RBPJ: variants seen among roughly 807,000 people sequenced by gnomAD.
The protein encoded by RBPJ is recombination signal binding protein for immunoglobulin kappa J region.
A neutral mutation model predicts 67.8 loss-of-function variants in RBPJ; 9 were observed. The observed-to-expected ratio is 0.13, with a 90% CI of 0.08 to 0.23. RBPJ has a LOEUF of 0.23. RBPJ is among the 10% of genes least tolerant of loss of function. The pLI, the probability that RBPJ is intolerant of heterozygous loss-of-function variation, is 1.00. For synonymous variants in RBPJ, 198 were observed against 203.3 expected, an observed-to-expected ratio of 0.97 and a Z score of 0.22; for missense variants, 305 against 595.6, an observed-to-expected ratio of 0.51 and a Z score of 5.08.
chr4:26,222,633 A>AATATATATAT lies in RBPJ; in HGVS notation c.-167+59035_-167+59044dup, dbSNP rs10673072. Among the ~76,000 whole-genome samples the AATATATATAT allele has an allele frequency of 1.2e-3, 167 of 135,920 alleles. 1 individual carries two copies. Among genetic ancestry groups the AATATATATAT allele is most frequent in the East Asian group, 0.01 (46 of 4,538 alleles). 89.2% of individuals were successfully genotyped at this position (135,920 alleles called of 152,430 possible). A position where few individuals can be genotyped will look rare whatever the true frequency, so the allele number is the denominator to read the frequency against. On this transcript the variant is annotated intron_variant, in intron 1 of 4. Transcript: ENST00000512351. ...TATATATACCTATTATGTACTCTGA[A>AATATATATAT]ATATATATATATATATATATATATA...
chr4:26,291,873 G>A lies in RBPJ; in HGVS notation c.-166-70573G>A, dbSNP rs1003086779. ...TTATAGGTGTGAGTCACTGCGTCCA[G>A]CCCTTCAGTTTGTTTTTTAAGGTTT... is the stretch of plus-strand genomic sequence containing the variant. On this transcript the variant is annotated intron_variant, in intron 1 of 4. Coordinates refer to the RBPJ transcript ENST00000512351. Among the ~76,000 whole-genome samples the A allele has an allele frequency of 5.3e-5, 8 of 150,832 alleles. 1 individual carries two copies. The highest frequency in any genetic ancestry group is 1.2e-4 in the Non-Finnish European group (8 of 67,624).
intron 1 of RBPJ, among the ~76,000 whole-genome samples, chr4:26,215,998 C>T (rs954452576): frequency 2.6e-5 from 4 of 152,140 alleles, no homozygotes; most frequent in African/African-American, 7.2e-5. Context: ...TCTGAAATCA[C>T]GGTGTCATCA....
chr4:26,235,859 A>G (rs1290525153), intron 1 of RBPJ, among the ~76,000 whole-genome samples: 3 of 152,256 alleles, frequency 2.0e-5, no homozygotes, highest in Non-Finnish European at 4.4e-5. Context: ...TGGCTAAGCT[A>G]ACCTTCTGTT....
At chr4:26,380,764 C>G (rs879802109) in intron 1 of RBPJ, among the ~76,000 whole-genome samples, 2 of 151,764 alleles carry the variant, frequency 1.3e-5, no homozygotes, top group Non-Finnish European at 2.9e-5. Context: ...ATTGTTGATG[C>G]TTTTTTAAAA....
chr4:26,229,621 G>A (rs56307999), intron 1 of RBPJ, among the ~76,000 whole-genome samples: 10,127 of 152,198 alleles, frequency 0.067, 1,025 homozygotes, highest in African/African-American at 0.22. Flanking sequence ...GTTTCAGTGA[G>A]ACCAGAGCTG....
In RBPJ at chr4:26,270,431, AAGAAAG is replaced by A. The variant is rs1182838678; in HGVS notation, c.-166-92013_-166-92008del. Among the ~76,000 whole-genome samples, 126 of 63,114 alleles carry A rather than the reference AAGAAAG, an allele frequency of 2.0e-3. 14 individuals are homozygous for A. The highest frequency in any genetic ancestry group is 4.6e-3 in the African/African-American group (115 of 25,230). The allele number at this position is 63,114 out of a possible 152,430, so 41.4% of individuals were successfully genotyped here. On this transcript the variant is annotated intron_variant, in intron 1 of 4. Coordinates refer to the RBPJ transcript ENST00000512351. ...AAAGAAAGAAAGAAAGAAAGAAAGA[AAGAAAG>A]AAGAAAGAAAGAAAGAAAGAAAAGA...
chr4:26,111,033 C>T, the RBPJ span, among the ~76,000 whole-genome samples: 1 of 152,182 alleles, frequency 6.6e-6, no homozygotes, highest in Non-Finnish European at 1.5e-5. Context: ...AGGTAGAATC[C>T]CTCTTCCCCC....
chr4:26,123,509 A>T, the RBPJ span, among the ~76,000 whole-genome samples: 1 of 151,956 alleles, frequency 6.6e-6, no homozygotes, highest in African/African-American at 2.4e-5. Context: ...TTTATAAAGA[A>T]TTTTTTTTCT....
intron 1 of RBPJ, among the ~76,000 whole-genome samples, chr4:26,384,892 C>A (rs1452250078): frequency 2.1e-5 from 1 of 47,014 alleles, no homozygotes; most frequent in African/African-American, 1.0e-4. Context: ...CTCCCCTCTC[C>A]CCTCTTGCCT....
intron 1 of RBPJ, among the ~76,000 whole-genome samples, chr4:26,373,468 T>C (rs1729374697): frequency 6.6e-6 from 1 of 151,972 alleles, no homozygotes; most frequent in Non-Finnish European, 1.5e-5. Flanking sequence ...GATGCACTGC[T>C]GGATTCAAGT....
At chr4:26,339,328 G>GT (rs1248687047) in intron 1 of RBPJ, among the ~76,000 whole-genome samples, 13 of 151,914 alleles carry the variant, frequency 8.6e-5, no homozygotes, top group Non-Finnish European at 1.6e-4. Context: ...ATTCAAACCC[G>GT]TATCTCCAGA....
intron 1 of RBPJ, among the ~76,000 whole-genome samples, chr4:26,195,592 T>C (rs1380926042): frequency 6.6e-6 from 1 of 152,278 alleles, no homozygotes; most frequent in East Asian, 1.9e-4. Context: ...ATGTTTTTTT[T>C]TGTTTTGGTT....
chr4:26,120,714 C>CTTTTTTTTTT, the RBPJ span, among the ~76,000 whole-genome samples: 2 of 83,014 alleles, frequency 2.4e-5, no homozygotes, highest in African/African-American at 9.5e-5. Flanking sequence ...ATTTTCTCAA[C>CTTTTTTTTTT]TTTTTTTTTT....
At position 26,358,610 on chromosome 4, in the gene RBPJ, CAA is replaced by C. The variant is rs771623602; in HGVS notation, c.21-27721_21-27720del. On this transcript the variant is annotated intron_variant, in intron 1 of 10. Transcript: ENST00000355476. The stretch of plus-strand genomic sequence containing the variant: ...GCAGCATAGCAAGACCCCATCTCTG[CAA>C]AAAAAAAAAAAAAAAAAAAAAGTTA... Among the ~76,000 whole-genome samples, 54 of 43,110 alleles carry C rather than the reference CAA, an allele frequency of 1.3e-3. 1 individual carries two copies. Among genetic ancestry groups the C allele is most frequent in the East Asian group, 5.7e-3 (9 of 1,592 alleles). 28.3% of individuals were successfully genotyped at this position (43,110 alleles called of 152,430 possible). A position where few individuals can be genotyped will look rare whatever the true frequency, so the allele number is the denominator to read the frequency against.
chr4:26,296,484 G>A (rs1220526583), intron 1 of RBPJ, among the ~76,000 whole-genome samples: 1 of 152,100 alleles, frequency 6.6e-6, no homozygotes, highest in Non-Finnish European at 1.5e-5. Context: ...AGCAAAGAAG[G>A]ACAATACTTA....
chr4:26,205,688 G>A (rs1237027892), intron 1 of RBPJ, among the ~76,000 whole-genome samples: 1 of 152,112 alleles, frequency 6.6e-6, no homozygotes, highest in Non-Finnish European at 1.5e-5. Flanking sequence ...CACCTCCCAG[G>A]TTAAAGCAAT....
the RBPJ span, among the ~76,000 whole-genome samples, chr4:26,144,360 C>A: frequency 6.9e-6 from 1 of 143,970 alleles, no homozygotes; most frequent in African/African-American, 2.6e-5. Flanking sequence ...AACCTCTGCT[C>A]CTGAGTTCAA....
intron 5 of RBPJ, among the ~76,000 whole-genome samples, chr4:26,422,762 G>A (rs775647663): frequency 7.9e-5 from 12 of 152,130 alleles, no homozygotes; most frequent in South Asian, 2.1e-4. Flanking sequence ...ATTCTCTAAC[G>A]TCAACAGTGA....
At chr4:26,184,358 G>A (rs1717146008) in intron 1 of RBPJ, among the ~76,000 whole-genome samples, 1 of 152,076 alleles carries the variant, frequency 6.6e-6, no homozygotes, top group South Asian at 2.1e-4. Flanking sequence ...ACAGCAAGCA[G>A]GGATTGACAG....
Sources: allele counts gnomAD v4.1 joint callset (sites outside exome capture counted in the v4.1 genomes callset), GRCh38; gene constraint gnomAD v4.1.1; transcripts MANE v1.5; gene names NCBI Gene and HGNC (gene_info 2026-07-23, HGNC 2026-07-21).